MAPKAP1: variants seen among roughly 807,000 people sequenced by gnomAD.
MAPKAP1 encodes the protein target of rapamycin complex 2 subunit MAPKAP1.
Under a neutral mutation model 65.7 loss-of-function variants are expected in MAPKAP1, and 20 were observed. The observed-to-expected ratio is 0.30, with a 90% CI of 0.21 to 0.44. The LOEUF (loss-of-function observed/expected upper bound fraction) is 0.44, where lower values mean the gene tolerates loss of function less well. Ranked by LOEUF, MAPKAP1 falls within the 20% of genes least tolerant of loss-of-function variation. The pLI is 1.00. For missense variants in MAPKAP1, 423 were observed against 648.0 expected, an observed-to-expected ratio of 0.65 and a Z score of 3.77; for synonymous variants, 222 against 244.3, an observed-to-expected ratio of 0.91 and a Z score of 0.85.
chr9:125,512,652 G>A (rs997624212), intron 7 of MAPKAP1, among the ~76,000 whole-genome samples: 1 of 151,996 alleles, frequency 6.6e-6, no homozygotes, highest in African/African-American at 2.4e-5. Flanking sequence ...CGCAATCTCG[G>A]CTCACTGCAA....
intron 7 of MAPKAP1, among the ~76,000 whole-genome samples, chr9:125,542,566 A>G (rs1360976431): frequency 6.6e-6 from 1 of 152,196 alleles, no homozygotes; most frequent in Non-Finnish European, 1.5e-5. Flanking sequence ...ATTAGTGCAC[A>G]TCAAGTGATT....
intron 4 of MAPKAP1, among the ~76,000 whole-genome samples, chr9:125,646,487 C>G (rs1178428412): frequency 6.6e-6 from 1 of 152,200 alleles, no homozygotes; most frequent in Non-Finnish European, 1.5e-5. Context: ...TGCTACATAT[C>G]AAGTCCATTA....
intron 1 of MAPKAP1, among the ~76,000 whole-genome samples, chr9:125,698,322 T>TATATATA (rs1835487424): frequency 1.1e-5 from 1 of 91,814 alleles, no homozygotes; most frequent in Non-Finnish European, 2.1e-5. Context: ...TATATATATA[T>TATATATA]ATATATATAT....
intron 7 of MAPKAP1, among the ~76,000 whole-genome samples, chr9:125,533,157 T>C (rs781417194): frequency 7.2e-5 from 11 of 152,322 alleles, no homozygotes; most frequent in Non-Finnish European, 1.6e-4. Context: ...TTCTAAACTA[T>C]AGAGCACATC....
intron 8 of MAPKAP1, among the ~76,000 whole-genome samples, chr9:125,488,826 C>G (rs1854592300): frequency 6.6e-6 from 1 of 152,110 alleles, no homozygotes; most frequent in Non-Finnish European, 1.5e-5. Flanking sequence ...TAGCCAAAGG[C>G]CAGAAAATAG....
chr9:125,670,855 T>C (rs770396478), intron 2 of MAPKAP1, among the ~76,000 whole-genome samples: 28 of 152,226 alleles, frequency 1.8e-4, no homozygotes, highest in East Asian at 1.7e-3. Flanking sequence ...ATTTTGCTAA[T>C]AGAAAATAAA....
intron 10 of MAPKAP1, among the ~76,000 whole-genome samples, chr9:125,467,408 A>G (rs1205629735): frequency 6.6e-6 from 1 of 152,250 alleles, no homozygotes; most frequent in Non-Finnish European, 1.5e-5. Flanking sequence ...ATTTAAGCGG[A>G]GGAATGCCAA....
intron 4 of MAPKAP1, among the ~76,000 whole-genome samples, chr9:125,599,178 G>C (rs1453445576): frequency 6.6e-6 from 1 of 151,738 alleles, no homozygotes; most frequent in Admixed American, 6.6e-5. Flanking sequence ...AAATATTGCT[G>C]TTCATAGACT....
chr9:125,562,415 A>G (rs1324082428), intron 5 of MAPKAP1, among the ~76,000 whole-genome samples: 1 of 152,238 alleles, frequency 6.6e-6, no homozygotes, highest in East Asian at 1.9e-4. Context: ...GATTCCTGCC[A>G]TATTATACAA....
chr9:125,658,819 T>TA (rs1241369384), intron 3 of MAPKAP1, among the ~76,000 whole-genome samples: 5 of 152,192 alleles, frequency 3.3e-5, no homozygotes, highest in Admixed American at 1.3e-4. Flanking sequence ...TGTCCACACT[T>TA]AAAGTTTTTA....
chr9:125,451,147 T>C (rs1441287604), intron 10 of MAPKAP1: 1 of 152,218 alleles, frequency 6.6e-6, no homozygotes, highest in Non-Finnish European at 1.5e-5. Context: ...AAAACTCCCA[T>C]GGCAATGTGA....
intron 1 of MAPKAP1, among the ~76,000 whole-genome samples, chr9:125,702,306 A>C (rs568116678): frequency 6.6e-5 from 10 of 152,192 alleles, no homozygotes; most frequent in African/African-American, 2.4e-4. Context: ...AGGCCAAGGC[A>C]GGTGGATCAC....
chr9:125,704,086 G>C (rs572826502), intron 1 of MAPKAP1, among the ~76,000 whole-genome samples: 13 of 152,282 alleles, frequency 8.5e-5, no homozygotes, highest in African/African-American at 2.6e-4. Flanking sequence ...CTGGCACACT[G>C]AAGCTACAGC....
chr9:125,656,544 G>A (rs964396084), intron 4 of MAPKAP1, among the ~76,000 whole-genome samples: 2 of 151,910 alleles, frequency 1.3e-5, no homozygotes, highest in African/African-American at 4.8e-5. Flanking sequence ...TGAAACCTAC[G>A]GAAACCTGCT....
At chr9:125,614,080 G>C (rs1217193904) in intron 4 of MAPKAP1, among the ~76,000 whole-genome samples, 1 of 152,086 alleles carries the variant, frequency 6.6e-6, no homozygotes, top group Non-Finnish European at 1.5e-5. Flanking sequence ...TTACAGGCGT[G>C]AGCCACCAGG....
At chr9:125,701,675 T>C (rs973483249) in intron 1 of MAPKAP1, among the ~76,000 whole-genome samples, 1 of 152,188 alleles carries the variant, frequency 6.6e-6, no homozygotes, top group Admixed American at 6.5e-5. Flanking sequence ...CTATGAAGAC[T>C]AAAGAAAATA....
chr9:125,441,419 G>A (rs865964806), intron 11 of MAPKAP1, among the ~76,000 whole-genome samples: 2 of 152,306 alleles, frequency 1.3e-5, no homozygotes, highest in Middle Eastern at 3.4e-3. Context: ...TGGGGACAAT[G>A]TCTACATTCT....
At chr9:125,693,425 A>AT (rs1564619689) in intron 1 of MAPKAP1, among the ~76,000 whole-genome samples, 5 of 131,194 alleles carry the variant, frequency 3.8e-5, no homozygotes, top group South Asian at 2.3e-4. Context: ...AAAAAAAAAA[A>AT]AATATATATA....
At chr9:125,551,985 G>A (rs969257780) in intron 6 of MAPKAP1, among the ~76,000 whole-genome samples, 1 of 152,142 alleles carries the variant, frequency 6.6e-6, no homozygotes, top group South Asian at 2.1e-4. Flanking sequence ...CACTATCTGA[G>A]CTCCAGCTCT....
Sources: allele counts gnomAD v4.1 joint callset (sites outside exome capture counted in the v4.1 genomes callset), GRCh38; gene constraint gnomAD v4.1.1; transcripts MANE v1.5; gene names NCBI Gene and HGNC (gene_info 2026-07-23, HGNC 2026-07-21).